Variants in EVA1C observed in about 807,000 individuals in gnomAD.
The protein encoded by EVA1C is eva-1 homolog C, also known as protein eva-1 homolog C.
In EVA1C, 25 loss-of-function variants were observed where a neutral mutation model predicts 45.4. That is an observed-to-expected ratio of 0.55 (90% CI 0.40 to 0.77). The LOEUF (loss-of-function observed/expected upper bound fraction) is 0.77. Ranked by LOEUF, EVA1C falls within the 30% of genes least tolerant of loss-of-function variation. The pLI, the probability that EVA1C is intolerant of heterozygous loss-of-function variation, is 0.00. For missense variants in EVA1C, 479 were observed against 554.8 expected, an observed-to-expected ratio of 0.86 and a Z score of 1.37; for synonymous variants, 190 against 221.2, an observed-to-expected ratio of 0.86 and a Z score of 1.25.
At chr21:32,437,311 C>T (rs892780301) in intron 1 of EVA1C, among the ~76,000 whole-genome samples, 3 of 152,208 alleles carry the variant, frequency 2.0e-5, no homozygotes, top group African/African-American at 7.2e-5. Context: ...GAGTTCATCT[C>T]AATTTCCATC....
intron 1 of EVA1C, among the ~76,000 whole-genome samples, chr21:32,416,039 A>G (rs1385502901): frequency 6.6e-6 from 1 of 152,186 alleles, no homozygotes; most frequent in African/African-American, 2.4e-5. Context: ...TGTTCAGAGA[A>G]CAAGACAGGG....
In EVA1C at chr21:32,477,641, G is replaced by A. The variant is rs562717931; in HGVS notation, c.634+9793G>A. 7.3e-4 allele frequency among the ~76,000 whole-genome samples: 111 copies of A among 151,774 alleles called. No individual in the cohort carries two copies. In the Middle Eastern group the frequency reaches 0.01, roughly 14 times the overall value. ...AGTCTCTTATGTGTCCTTACAACAC[G>A]GCAGCTGGCTTCCCCCAGAGAAAGT... On this transcript the variant is annotated intron_variant, in intron 4 of 7. Transcript: ENST00000300255.
intron 1 of EVA1C, chr21:32,433,075 G>A (rs1310016436): frequency 2.0e-5 from 3 of 152,166 alleles, no homozygotes; most frequent in Admixed American, 6.6e-5. Flanking sequence ...TTAGCTCCAG[G>A]AATAATTTCT....
At chr21:32,493,000 T>C in intron 4 of EVA1C, among the ~76,000 whole-genome samples, 1 of 152,124 alleles carries the variant, frequency 6.6e-6, no homozygotes. Flanking sequence ...AGTGTGTGTA[T>C]TACAAACAGC....
chr21:32,418,961 G>GT (rs11436183), intron 1 of EVA1C, among the ~76,000 whole-genome samples: 152,166 of 152,170 alleles, frequency 1, 76,081 homozygotes, highest in Middle Eastern at 1. Flanking sequence ...TTGCCTATTG[G>GT]TTTTCCATCT....
chr21:32,450,510 A>ATGTG (rs1273121638), intron 1 of EVA1C, among the ~76,000 whole-genome samples: 10 of 40 alleles, frequency 0.25, no homozygotes, highest in Admixed American at 0.5. Flanking sequence ...CCCGGACCAC[A>ATGTG]GTCCGGGAAT....
Position 32,472,166 on chromosome 21 carries a change from T to A in EVA1C, c.634+4318T>A, listed in dbSNP as rs181803749. Among the ~76,000 whole-genome samples the A allele has an allele frequency of 1.2e-4, 18 of 152,294 alleles. No individual in the cohort carries two copies. The East Asian group carries it at 2.7e-3, about 23-fold the overall frequency. ...GATTTAATTAATTAATTTATTTATT[T>A]ATTTATTTTTGAGACAGACTCTCGC... is the stretch of plus-strand genomic sequence containing the variant. On this transcript the variant is annotated intron_variant, in intron 4 of 7. Coordinates refer to ENST00000300255, the MANE Select transcript of EVA1C (RefSeq NM_058187.5).
intron 1 of EVA1C, among the ~76,000 whole-genome samples, chr21:32,415,054 T>C (rs2033981319): frequency 1.3e-5 from 2 of 152,190 alleles, no homozygotes; most frequent in Non-Finnish European, 2.9e-5. Flanking sequence ...CCTCTGCAAA[T>C]TCCTAAGCTC....
chr21:32,484,856 C>T (rs1253478905), intron 4 of EVA1C, among the ~76,000 whole-genome samples: 2 of 152,316 alleles, frequency 1.3e-5, no homozygotes, highest in South Asian at 4.1e-4. Flanking sequence ...AAGTTCCGGC[C>T]TCTGCCATCT....
At chr21:32,478,429 C>A (rs575080242) in intron 4 of EVA1C, among the ~76,000 whole-genome samples, 175 of 152,256 alleles carry the variant, frequency 1.1e-3, no homozygotes, top group South Asian at 1.0e-2. Context: ...CCATGTTGGT[C>A]AGGCTGGTCT....
At chr21:32,446,539 G>T (rs1432702030) in intron 1 of EVA1C, among the ~76,000 whole-genome samples, 21 of 152,194 alleles carry the variant, frequency 1.4e-4, no homozygotes, top group Non-Finnish European at 2.9e-4. Context: ...TCTTCAACCA[G>T]CCAAGAAACC....
At chr21:32,455,246 G>C (rs1427292254) in intron 2 of EVA1C, among the ~76,000 whole-genome samples, 1 of 152,084 alleles carries the variant, frequency 6.6e-6, no homozygotes, top group Non-Finnish European at 1.5e-5. Context: ...AAGAGAAGGA[G>C]AGAGGGCCAA....
At chr21:32,497,338 G>A (rs1568945298) in intron 5 of EVA1C, 7 of 525,992 alleles carry the variant, frequency 1.3e-5, no homozygotes, top group East Asian at 9.0e-5. Context: ...TAATGGGTCC[G>A]TTGAGCCAAG....
At chr21:32,479,734 T>C (rs1280895265) in intron 4 of EVA1C, among the ~76,000 whole-genome samples, 2 of 151,828 alleles carry the variant, frequency 1.3e-5, no homozygotes, top group African/African-American at 4.8e-5. Context: ...GAGGATCACT[T>C]GAGGCCAGGA....
intron 1 of EVA1C, among the ~76,000 whole-genome samples, chr21:32,439,337 G>C (rs1365644505): frequency 6.6e-6 from 1 of 152,016 alleles, no homozygotes. Context: ...AGAAAGTGTG[G>C]GCCCTTGGGG....
intron 6 of EVA1C, 113 bp downstream of exon 6, chr21:32,501,608 G>A: frequency 2.2e-6 from 3 of 1,376,084 alleles, no homozygotes; most frequent in Non-Finnish European, 2.9e-6. Context: ...CAGGAGGTGT[G>A]TTTGAGGTAC....
Position 32,452,953 on chromosome 21 carries a change from G to C in EVA1C, c.161-359G>C, listed in dbSNP as rs1384594394. On this transcript the variant is annotated intron_variant, in intron 1 of 7. Transcript: ENST00000300255. This position sits in a 1 kb window ranked among gnomAD's most constrained non-coding sequence, Gnocchi z 4.0. Reference sequence around the variant, plus strand: ...TTTATGGGCACAGGATGGGGGTCATGGCAGGCCAGAGTAGTCTTGGAAAAT... The same window carrying C: ...TTTATGGGCACAGGATGGGGGTCATCGCAGGCCAGAGTAGTCTTGGAAAAT... 5.4e-6 allele frequency: 1 copy of C among 186,372 alleles called. No individual in the cohort carries two copies. Among genetic ancestry groups the C allele is most frequent in the African/African-American group, 2.3e-5 (1 of 42,862 alleles). 11.5% of individuals were successfully genotyped at this position (186,372 alleles called of 1,614,324 possible). A position where few individuals can be genotyped will look rare whatever the true frequency, so the allele number is the denominator to read the frequency against.
At chr21:32,485,756 G>A (rs2036952391) in intron 4 of EVA1C, among the ~76,000 whole-genome samples, 1 of 152,198 alleles carries the variant, frequency 6.6e-6, no homozygotes, top group Non-Finnish European at 1.5e-5. Flanking sequence ...CTGGATTGAG[G>A]TTCTAGGGCA....
rs1454717992 is a variant in EVA1C, at chr21:32,474,080, A to C, written c.634+6232A>C. 2.6e-6 allele frequency: 1 copy of C among 381,440 alleles called. No individual in the cohort carries two copies. Among genetic ancestry groups the C allele is most frequent in the Non-Finnish European group, 3.6e-6 (1 of 278,158 alleles). The allele number at this position is 381,440 out of a possible 1,614,324, so 23.6% of individuals were successfully genotyped here. A position where few individuals can be genotyped will look rare whatever the true frequency, so the allele number is the denominator to read the frequency against. Reference sequence around the variant, plus strand: ...GTAGCTGGGACTACAGGTGCATGCCACCATGCCTGGCATGGTGGAGATGAA... The same window carrying C: ...GTAGCTGGGACTACAGGTGCATGCCCCCATGCCTGGCATGGTGGAGATGAA... On this transcript the variant is annotated intron_variant, in intron 4 of 7. Transcript: ENST00000300255. The surrounding 1 kb of genome is among the most constrained non-coding windows in gnomAD (Gnocchi z 4.4).
Sources: allele counts gnomAD v4.1 joint callset (sites outside exome capture counted in the v4.1 genomes callset), GRCh38; gene constraint gnomAD v4.1.1; non-coding constraint Gnocchi (gnomAD v3.1); transcripts MANE v1.5; gene names NCBI Gene and HGNC (gene_info 2026-07-23, HGNC 2026-07-21).